The following ZFPM2 variants were observed in gnomAD, a reference collection of about 807,000 sequenced individuals.
ZFPM2 encodes zinc finger protein ZFPM2.
ZFPM2 carries 20 observed loss-of-function variants against 98.6 expected under a neutral mutation model. That is an observed-to-expected ratio of 0.20 (90% CI 0.14 to 0.29). The LOEUF (loss-of-function observed/expected upper bound fraction) is 0.29. ZFPM2 is among the 10% of genes least tolerant of loss of function. The pLI is 1.00. For synonymous variants in ZFPM2, 518 were observed against 502.7 expected (o/e 1.03, Z -0.41); for missense variants, 1,310 against 1,388.6 (o/e 0.94, Z 0.90).
intron 5 of ZFPM2, among the ~76,000 whole-genome samples, chr8:105,724,111 AT>A (rs1416179556): frequency 6.6e-6 from 1 of 151,848 alleles, no homozygotes; most frequent in Non-Finnish European, 1.5e-5. Flanking sequence ...GATTAAAAAA[AT>A]CATATTAGAT....
chr8:105,607,786 AT>A (rs1168983776), intron 4 of ZFPM2, among the ~76,000 whole-genome samples: 1 of 152,064 alleles, frequency 6.6e-6, no homozygotes, highest in Non-Finnish European at 1.5e-5. Flanking sequence ...CTCTAAATTA[AT>A]TTTTTAACAT....
At chr8:105,520,181 T>C (rs1027092301) in intron 3 of ZFPM2, among the ~76,000 whole-genome samples, 4 of 152,158 alleles carry the variant, frequency 2.6e-5, no homozygotes, top group African/African-American at 9.7e-5. Context: ...CAACAGAACA[T>C]TGTTTAAGGC....
Position 105,789,138 on chromosome 8 carries a change from G to C in ZFPM2, c.739+214G>C, listed in dbSNP as rs1401746018. On this transcript the variant is annotated intron_variant, in intron 6 of 7. Transcript: ENST00000407775. ...TTAGGATACATGTGCACAATGTGCA[G>C]GTTAGTTACATATGTATACATGTGA... 3 of 447,768 alleles carry C rather than the reference G, an allele frequency of 6.7e-6. No homozygotes were observed. The East Asian group carries it at 1.1e-4, about 17-fold the overall frequency. 27.7% of individuals were successfully genotyped at this position (447,768 alleles called of 1,614,324 possible).
intron 3 of ZFPM2, among the ~76,000 whole-genome samples, chr8:105,534,041 TCCC>T (rs1563704388): frequency 3.0e-5 from 1 of 32,958 alleles, no homozygotes; most frequent in African/African-American, 1.4e-4. Context: ...CCTCCCTCCC[TCCC>T]TTCCTCCCTT....
At chr8:105,455,508 C>G (rs1174856070) in intron 3 of ZFPM2, among the ~76,000 whole-genome samples, 1 of 150,022 alleles carries the variant, frequency 6.7e-6, no homozygotes, top group Non-Finnish European at 1.5e-5. Context: ...GCCTTGTAGT[C>G]TGTAATACTA....
At chr8:105,491,527 G>A (rs188700531) in intron 3 of ZFPM2, among the ~76,000 whole-genome samples, 1 of 152,256 alleles carries the variant, frequency 6.6e-6, no homozygotes, top group African/African-American at 2.4e-5. Context: ...ACTGTGAGAT[G>A]AATTTCAATG....
chr8:105,415,312 G>A (rs1811659551), intron 1 of ZFPM2, among the ~76,000 whole-genome samples: 1 of 151,940 alleles, frequency 6.6e-6, no homozygotes, highest in African/African-American at 2.4e-5. Context: ...TTTTAAATGA[G>A]GTAAATATTC....
rs1410229274 is a variant in ZFPM2 at position 105,619,791 on chromosome 8, C to G, written c.421-14455C>G. 2.7e-5 allele frequency among the ~76,000 whole-genome samples: 4 copies of G among 146,794 alleles called. No homozygotes were observed. In the Admixed American group the frequency reaches 2.9e-4, roughly 11 times the overall value. ...GTGAGAACATGCGGTGTTTGGTTTT[C>G]TGTCCTTGCAATAGTTTCCTGAGAG... On this transcript the variant is annotated intron_variant, in intron 4 of 7. Coordinates refer to ENST00000407775, the MANE Select transcript of ZFPM2 (RefSeq NM_012082.4).
chr8:105,352,770 G>C (rs185024739), intron 1 of ZFPM2, among the ~76,000 whole-genome samples: 6 of 152,116 alleles, frequency 3.9e-5, no homozygotes, highest in Admixed American at 6.5e-5. Context: ...ATTGTTGTAA[G>C]GTGGCTTTTT....
intron 5 of ZFPM2, among the ~76,000 whole-genome samples, chr8:105,734,251 C>A (rs747533986): frequency 5.9e-5 from 9 of 151,854 alleles, no homozygotes; most frequent in Non-Finnish European, 1.3e-4. Flanking sequence ...CCTATGTGCC[C>A]CACAAATAGC....
chr8:105,448,670 A>T (rs141258286), intron 3 of ZFPM2, among the ~76,000 whole-genome samples: 66 of 152,160 alleles, frequency 4.3e-4, no homozygotes, highest in African/African-American at 1.5e-3. Context: ...AGATTCTGGC[A>T]TGTTAAGTTC....
intron 3 of ZFPM2, among the ~76,000 whole-genome samples, chr8:105,512,793 T>C (rs1390102744): frequency 6.6e-6 from 1 of 152,230 alleles, no homozygotes; most frequent in African/African-American, 2.4e-5. Flanking sequence ...AGTGGATTGC[T>C]TTTACCTTTG....
chr8:105,609,376 A>T (rs1816260219), intron 4 of ZFPM2, among the ~76,000 whole-genome samples: 1 of 152,156 alleles, frequency 6.6e-6, no homozygotes. Flanking sequence ...GGAGAGGACA[A>T]GTGGAAACTT....
intron 4 of ZFPM2, among the ~76,000 whole-genome samples, chr8:105,600,231 G>A (rs1334747989): frequency 2.6e-5 from 4 of 152,100 alleles, no homozygotes; most frequent in Middle Eastern, 3.4e-3. Flanking sequence ...AAATACACCC[G>A]AAAGCTCCCT....
chr8:105,750,611 G>T (rs1264456514), intron 5 of ZFPM2, among the ~76,000 whole-genome samples: 2 of 151,960 alleles, frequency 1.3e-5, no homozygotes, highest in Non-Finnish European at 2.9e-5. Flanking sequence ...AGAGATCAGA[G>T]ATTTTACTCC....
chr8:105,442,830 C>A (rs143661943), intron 2 of ZFPM2, among the ~76,000 whole-genome samples: 1 of 151,592 alleles, frequency 6.6e-6, no homozygotes, highest in Non-Finnish European at 1.5e-5. Flanking sequence ...AAATGTCATT[C>A]ATCGTAATCA....
chr8:105,393,015 C>T (rs1028797160), intron 1 of ZFPM2, among the ~76,000 whole-genome samples: 2 of 152,058 alleles, frequency 1.3e-5, no homozygotes, highest in Non-Finnish European at 2.9e-5. Flanking sequence ...AGCCTGGTTT[C>T]TAGTTCTTGT....
chr8:105,747,472 C>CT (rs1389600875), intron 5 of ZFPM2, among the ~76,000 whole-genome samples: 1 of 152,012 alleles, frequency 6.6e-6, no homozygotes, highest in Non-Finnish European at 1.5e-5. Flanking sequence ...TGAATGCAGT[C>CT]TCGCCATTCA....
In ZFPM2 at chr8:105,803,688, A is replaced by G; in HGVS notation, c.*150A>G. On this transcript the variant is annotated 3_prime_UTR_variant, in exon 8 of 8. Transcript: ENST00000407775. ...TGAAGACTTAAGGTGTAATTTCATT[A>G]CAGTCCATTAGTAAAGTGTATTATT... is the stretch of plus-strand genomic sequence containing the variant. 1.4e-6 allele frequency: 1 copy of G among 737,064 alleles called. No individual in the cohort carries two copies. Among genetic ancestry groups the G allele is most frequent in the Admixed American group, 2.8e-5 (1 of 35,918 alleles). The allele number at this position is 737,064 out of a possible 1,614,324, so 45.7% of individuals were successfully genotyped here.
Sources: gnomAD v4.1 joint callset for allele counts (sites outside exome capture counted in the v4.1 genomes callset) on GRCh38, gnomAD v4.1.1 for gene constraint, MANE v1.5 for transcripts, NCBI Gene and HGNC (gene_info 2026-07-23, HGNC 2026-07-21) for gene names.